CPNE8: variants seen among roughly 807,000 people sequenced by gnomAD.
CPNE8 encodes copine 8.
A neutral mutation model predicts 81.5 loss-of-function variants in CPNE8; 45 were observed. That is an observed-to-expected ratio of 0.55 (90% CI 0.44 to 0.71). CPNE8 has a LOEUF of 0.71. Ranked by LOEUF, CPNE8 falls within the 30% of genes least tolerant of loss-of-function variation. The pLI is 0.00. For synonymous variants in CPNE8, 252 were observed against 226.3 expected (o/e 1.11, Z -1.02); for missense variants, 594 against 672.1 (o/e 0.88, Z 1.28).
chr12:38,854,091 C>A (rs1038727350), intron 3 of CPNE8, among the ~76,000 whole-genome samples: 3 of 151,840 alleles, frequency 2.0e-5, no homozygotes, highest in African/African-American at 7.3e-5. Flanking sequence ...TAGATGAGTA[C>A]GGGAGTACGG....
At chr12:38,855,690 A>G (rs1415595577) in intron 3 of CPNE8, among the ~76,000 whole-genome samples, 1 of 152,168 alleles carries the variant, frequency 6.6e-6, no homozygotes, top group Non-Finnish European at 1.5e-5. Context: ...AATGCACTGT[A>G]TATTTCAAAA....
At chr12:38,730,785 G>C (rs1162579926) in intron 10 of CPNE8, among the ~76,000 whole-genome samples, 2 of 151,438 alleles carry the variant, frequency 1.3e-5, no homozygotes, top group South Asian at 4.2e-4. Flanking sequence ...ACTTTCCTAT[G>C]GCCAGAGTGT....
Position 38,653,620 on chromosome 12 carries a change from A to AAAAAAAAAAAAAAG in CPNE8, c.*261_*262insCTTTTTTTTTTTTT, listed in dbSNP as rs962615624. 5.7e-3 allele frequency: 1,556 copies of AAAAAAAAAAAAAAG among 274,372 alleles called. 22 individuals carry two copies. The highest frequency in any genetic ancestry group is 0.03 in the African/African-American group (1,413 of 46,408). The allele number at this position is 274,372 out of a possible 1,614,324, so 17.0% of individuals were successfully genotyped here. A position where few individuals can be genotyped will look rare whatever the true frequency, so the allele number is the denominator to read the frequency against. On this transcript the variant is annotated 3_prime_UTR_variant, in exon 20 of 20. Coordinates refer to ENST00000331366, the MANE Select transcript of CPNE8 (RefSeq NM_153634.3). ...ATTGGAAATTAGCTGTTTCTGTTAA[A>AAAAAAAAAAAAAAG]AAAAAAAAGAAAGAAAGATTTAGAG...
chr12:38,704,848 A>G lies in CPNE8; in HGVS notation c.915-1927T>C, dbSNP rs1170051667. Among the ~76,000 whole-genome samples the G allele has an allele frequency of 1.9e-4, 26 of 134,282 alleles. 1 individual carries two copies. Among genetic ancestry groups the G allele is most frequent in the East Asian group, 1.5e-3 (7 of 4,810 alleles). 88.1% of individuals were successfully genotyped at this position (134,282 alleles called of 152,430 possible). A position where few individuals can be genotyped will look rare whatever the true frequency, so the allele number is the denominator to read the frequency against. On this transcript the variant is annotated intron_variant, in intron 13 of 19. Transcript: ENST00000331366. ...TGTGTATATATATATATATATATAT[A>G]TATATATATATATATTTAAATTTCG... is the stretch of plus-strand genomic sequence containing the variant.
At chr12:38,723,669 T>C in intron 13 of CPNE8, 103 bp downstream of exon 13, 1 of 760,142 alleles carries the variant, frequency 1.3e-6, no homozygotes, top group Non-Finnish European at 2.3e-6. Context: ...CATCAAAATA[T>C]AATAAAGGTG....
chr12:38,844,078 AAAC>A (rs1943515094), intron 4 of CPNE8, among the ~76,000 whole-genome samples: 3 of 152,152 alleles, frequency 2.0e-5, no homozygotes, highest in Non-Finnish European at 4.4e-5. Context: ...AGAAGAAATA[AAAC>A]AACTTATTTT....
chr12:38,754,765 A>C (rs1166839850), intron 10 of CPNE8, among the ~76,000 whole-genome samples: 1 of 152,150 alleles, frequency 6.6e-6, no homozygotes, highest in Non-Finnish European at 1.5e-5. Context: ...TAGATATGTC[A>C]ATGAATCACA....
chr12:38,708,388 C>A (rs1005495735), intron 13 of CPNE8, among the ~76,000 whole-genome samples: 1 of 148,504 alleles, frequency 6.7e-6, no homozygotes, highest in African/African-American at 2.5e-5. Context: ...AAAAAAAAAT[C>A]CAAATTTATA....
intron 1 of CPNE8, among the ~76,000 whole-genome samples, chr12:38,884,689 A>G (rs1351180433): frequency 6.6e-5 from 10 of 152,062 alleles, no homozygotes; most frequent in Non-Finnish European, 5.9e-5. Context: ...ATCCTCTCCA[A>G]TGTTATTGTC....
intron 13 of CPNE8, among the ~76,000 whole-genome samples, chr12:38,722,800 C>T (rs1159933995): frequency 6.6e-6 from 1 of 151,906 alleles, no homozygotes; most frequent in Non-Finnish European, 1.5e-5. Context: ...AATTGTAATC[C>T]CCACAATCCC....
intron 19 of CPNE8, among the ~76,000 whole-genome samples, chr12:38,655,832 T>C (rs760503693): frequency 1.3e-5 from 2 of 152,058 alleles, no homozygotes; most frequent in East Asian, 1.9e-4. Flanking sequence ...GAAGCACATG[T>C]ATGTGACTAA....
At chr12:38,701,123 A>G (rs1210636097) in intron 14 of CPNE8, among the ~76,000 whole-genome samples, 1 of 152,200 alleles carries the variant, frequency 6.6e-6, no homozygotes, top group Non-Finnish European at 1.5e-5. Flanking sequence ...TCAAGATAAT[A>G]TTAACCTCAC....
At chr12:38,754,708 C>G (rs1265081223) in intron 10 of CPNE8, among the ~76,000 whole-genome samples, 1 of 151,494 alleles carries the variant, frequency 6.6e-6, no homozygotes, top group South Asian at 2.1e-4. Context: ...AATTCACAAG[C>G]TAGAGTTGAG....
At chr12:38,735,647 C>T (rs1940936560) in intron 10 of CPNE8, among the ~76,000 whole-genome samples, 1 of 152,014 alleles carries the variant, frequency 6.6e-6, no homozygotes, top group African/African-American at 2.4e-5. Flanking sequence ...AAAACATCAA[C>T]ACAATCAAGC....
chr12:38,727,802 A>G (rs990541616), intron 11 of CPNE8, among the ~76,000 whole-genome samples: 1 of 151,970 alleles, frequency 6.6e-6, no homozygotes, highest in Non-Finnish European at 1.5e-5. Flanking sequence ...CTGGAAATCT[A>G]GAAGCCCATG....
intron 10 of CPNE8, among the ~76,000 whole-genome samples, chr12:38,738,476 A>G (rs1157537509): frequency 6.6e-6 from 1 of 152,180 alleles, no homozygotes; most frequent in African/African-American, 2.4e-5. Flanking sequence ...AAATCAACTA[A>G]TTCACAAATT....
intron 3 of CPNE8, among the ~76,000 whole-genome samples, chr12:38,871,151 T>C (rs547260951): frequency 4.1e-4 from 63 of 152,346 alleles, no homozygotes; most frequent in African/African-American, 1.5e-3. Flanking sequence ...TTAAACTAAC[T>C]GGCCAATACT....
intron 1 of CPNE8, among the ~76,000 whole-genome samples, chr12:38,900,626 A>C (rs533250821): frequency 2.0e-4 from 31 of 152,338 alleles, no homozygotes; most frequent in Non-Finnish European, 4.1e-4. Context: ...AGGGCAGGGC[A>C]AAGAGCAGCA....
At chr12:38,785,502 G>A (rs1035340822) in intron 6 of CPNE8, among the ~76,000 whole-genome samples, 4 of 152,168 alleles carry the variant, frequency 2.6e-5, no homozygotes, top group African/African-American at 9.7e-5. Flanking sequence ...GGCTGTTCTT[G>A]TGATAGTGAA....
Sources: allele counts gnomAD v4.1 joint callset (sites outside exome capture counted in the v4.1 genomes callset), GRCh38; gene constraint gnomAD v4.1.1; transcripts MANE v1.5; gene names NCBI Gene and HGNC (gene_info 2026-07-23, HGNC 2026-07-21).